The following DLGAP1 variants were observed in gnomAD, a reference collection of about 807,000 sequenced individuals.
DLGAP1 encodes the protein DLG associated protein 1.
In DLGAP1, 11 loss-of-function variants were observed where a neutral mutation model predicts 90.8. That is an observed-to-expected ratio of 0.12 (90% CI 0.08 to 0.20). The LOEUF is 0.20. DLGAP1 is among the 10% of genes least tolerant of loss of function. The pLI is 1.00. For missense variants in DLGAP1, 1,050 were observed against 1,333.8 expected (o/e 0.79, Z 3.31); for synonymous variants, 558 against 540.7 (o/e 1.03, Z -0.44).
chr18:4,252,867 C>G (rs2078811970), intron 1 of DLGAP1, among the ~76,000 whole-genome samples: 1 of 152,174 alleles, frequency 6.6e-6, no homozygotes, highest in African/African-American at 2.4e-5. Flanking sequence ...CATGAGCTAC[C>G]TTTTCTCTTA....
Position 4,251,134 on chromosome 18 carries a change from C to T in DLGAP1, c.-266-99847G>A, listed in dbSNP as rs548585004. ...GAAAGGGTCTTTAAATCCTCCTGGC[C>T]TTCAGAAAAATACTCTCACATGCAT... is the stretch of plus-strand genomic sequence containing the variant. On this transcript the variant is annotated intron_variant, in intron 1 of 12. Coordinates refer to ENST00000315677, the MANE Select transcript of DLGAP1 (RefSeq NM_004746.4). 2.6e-5 allele frequency among the ~76,000 whole-genome samples: 4 copies of T among 152,174 alleles called. No individual in the cohort carries two copies. In the South Asian group the frequency reaches 6.2e-4, roughly 24 times the overall value.
intron 3 of DLGAP1, among the ~76,000 whole-genome samples, chr18:3,980,181 C>G (rs1270786224): frequency 6.6e-6 from 1 of 151,808 alleles, no homozygotes; most frequent in African/African-American, 2.4e-5. Flanking sequence ...AAGTAAAAAA[C>G]AAAAAAGATA....
chr18:4,107,742 G>A (rs891542395), intron 2 of DLGAP1, among the ~76,000 whole-genome samples: 9 of 152,114 alleles, frequency 5.9e-5, no homozygotes, highest in African/African-American at 2.2e-4. Context: ...TAGTAATATT[G>A]AAACTCGCTT....
At chr18:4,174,584 C>A (rs1229864208) in intron 1 of DLGAP1, among the ~76,000 whole-genome samples, 2 of 152,128 alleles carry the variant, frequency 1.3e-5, no homozygotes, top group African/African-American at 2.4e-5. Flanking sequence ...CCACCCTCCT[C>A]GGCCTCCCAA....
At chr18:3,783,426 T>G (rs1281068822) in intron 5 of DLGAP1, among the ~76,000 whole-genome samples, 1 of 152,032 alleles carries the variant, frequency 6.6e-6, no homozygotes, top group African/African-American at 2.4e-5. Context: ...GATGAATAAA[T>G]AAAATGTGGG....
At chr18:3,543,753 G>A (rs1322814660) in intron 9 of DLGAP1, among the ~76,000 whole-genome samples, 1 of 152,176 alleles carries the variant, frequency 6.6e-6, no homozygotes, top group Non-Finnish European at 1.5e-5. Context: ...ACTGACTGGA[G>A]CGAGTTTCCA....
chr18:3,738,575 T>G (rs1215779575), intron 6 of DLGAP1, among the ~76,000 whole-genome samples: 4 of 151,910 alleles, frequency 2.6e-5, no homozygotes, highest in African/African-American at 7.3e-5. Flanking sequence ...TAGCCATATG[T>G]AGAAAGCTGA....
intron 5 of DLGAP1, among the ~76,000 whole-genome samples, chr18:3,788,546 C>A (rs970972435): frequency 4.6e-5 from 7 of 152,104 alleles, no homozygotes; most frequent in African/African-American, 1.7e-4. Context: ...CTGAGGATTA[C>A]AAACAACTAT....
intron 4 of DLGAP1, among the ~76,000 whole-genome samples, chr18:3,861,835 T>C (rs1047858351): frequency 2.6e-5 from 4 of 152,392 alleles, no homozygotes; most frequent in Non-Finnish European, 4.4e-5. Context: ...CTCAATAAGC[T>C]TTTCCAATGG....
At chr18:3,877,824 T>G (rs756576036) in intron 4 of DLGAP1, among the ~76,000 whole-genome samples, 6 of 152,366 alleles carry the variant, frequency 3.9e-5, no homozygotes, top group South Asian at 4.1e-4. Context: ...CTTGATAACT[T>G]ATTAACATGT....
At chr18:4,432,417 A>C (rs62085360) in intron 1 of DLGAP1, among the ~76,000 whole-genome samples, 9,976 of 152,190 alleles carry the variant, frequency 0.066, 366 homozygotes, top group South Asian at 0.1. Context: ...TCTGATATTA[A>C]ATTTTAAATT....
intron 3 of DLGAP1, 26 bp from the exon 4 acceptor site, chr18:3,880,166 G>T: frequency 9.1e-7 from 1 of 1,099,350 alleles, no homozygotes. Flanking sequence ...AAAGGGCAAA[G>T]TCGTTAACAT....
intron 3 of DLGAP1, among the ~76,000 whole-genome samples, chr18:3,903,841 A>T (rs918142708): frequency 4.6e-5 from 7 of 152,234 alleles, no homozygotes; most frequent in African/African-American, 7.2e-5. Context: ...CCTCATTGGA[A>T]AAATAGCAAT....
chr18:3,687,664 AT>A, intron 7 of DLGAP1, among the ~76,000 whole-genome samples: 2 of 152,328 alleles, frequency 1.3e-5, no homozygotes, highest in Middle Eastern at 3.4e-3. Flanking sequence ...ATACTTGAAG[AT>A]ATAGCTATGA....
At chr18:3,576,875 T>C (rs910814444) in intron 8 of DLGAP1, among the ~76,000 whole-genome samples, 11 of 145,460 alleles carry the variant, frequency 7.6e-5, no homozygotes, top group African/African-American at 2.6e-4. Flanking sequence ...CTTTTTTTTT[T>C]TCTTGAGACG....
chr18:4,226,936 T>TA (rs1241595030), intron 1 of DLGAP1, among the ~76,000 whole-genome samples: 3 of 151,678 alleles, frequency 2.0e-5, no homozygotes, highest in East Asian at 3.9e-4. Flanking sequence ...TAAAATTTTT[T>TA]AAAAAAAGAC....
At chr18:3,634,314 A>G (rs2058622894) in intron 7 of DLGAP1, among the ~76,000 whole-genome samples, 1 of 152,132 alleles carries the variant, frequency 6.6e-6, no homozygotes, top group Admixed American at 6.5e-5. Context: ...ATAATGTTTT[A>G]TTTATAATCT....
At chr18:4,019,128 C>T (rs1050504588) in intron 2 of DLGAP1, among the ~76,000 whole-genome samples, 25 of 152,198 alleles carry the variant, frequency 1.6e-4, no homozygotes, top group African/African-American at 5.1e-4. Flanking sequence ...GTCTATTCTG[C>T]TCCATCTAAT....
At chr18:4,396,691 C>A (rs531054912) in intron 1 of DLGAP1, among the ~76,000 whole-genome samples, 1 of 152,006 alleles carries the variant, frequency 6.6e-6, no homozygotes, top group African/African-American at 2.4e-5. Flanking sequence ...AAAAGAAGTA[C>A]AAAAGGAAGA....
Sources: gnomAD v4.1 joint callset for allele counts (sites outside exome capture counted in the v4.1 genomes callset) on GRCh38, gnomAD v4.1.1 for gene constraint, MANE v1.5 for transcripts, NCBI Gene and HGNC (gene_info 2026-07-23, HGNC 2026-07-21) for gene names.